Variants in NEGR1 observed in about 807,000 individuals in gnomAD.
NEGR1 encodes neuronal growth regulator 1, also known as IgLON family member 4.
NEGR1 carries 10 observed loss-of-function variants against 40.9 expected under a neutral mutation model. The ratio of observed to expected loss-of-function variants is 0.24; its 90% CI spans 0.15 to 0.42. NEGR1 has a LOEUF of 0.42. Ranked by LOEUF, NEGR1 falls within the 10% of genes least tolerant of loss-of-function variation. The probability of loss-of-function intolerance (pLI) is 1.00; values close to 1 mark genes in which losing one functional copy is unlikely to be tolerated. For synonymous variants in NEGR1, 185 were observed against 166.8 expected (o/e 1.11, Z -0.84); for missense variants, 352 against 438.9 (o/e 0.80, Z 1.77).
chr1:71,434,711 A>G (rs1011954690), intron 6 of NEGR1, among the ~76,000 whole-genome samples: 1 of 152,228 alleles, frequency 6.6e-6, no homozygotes, highest in African/African-American at 2.4e-5. Context: ...CTTGATATAT[A>G]TACTGCAGAT....
intron 2 of NEGR1, among the ~76,000 whole-genome samples, chr1:71,918,833 A>T (rs1661678123): frequency 6.6e-6 from 1 of 152,168 alleles, no homozygotes; most frequent in Non-Finnish European, 1.5e-5. Flanking sequence ...TTGTTTGCTC[A>T]GAACAGATTG....
chr1:72,071,396 C>A (rs1647455659), intron 1 of NEGR1, among the ~76,000 whole-genome samples: 1 of 151,896 alleles, frequency 6.6e-6, no homozygotes, highest in Non-Finnish European at 1.5e-5. Flanking sequence ...AATTTAATGG[C>A]AATATTAGTA....
chr1:71,640,506 C>G (rs1217925475), intron 4 of NEGR1, among the ~76,000 whole-genome samples: 1 of 152,016 alleles, frequency 6.6e-6, no homozygotes, highest in Non-Finnish European at 1.5e-5. Context: ...CCTCTCTTAA[C>G]AAAAGGGATG....
chr1:72,108,531 T>G (rs1423333767), intron 1 of NEGR1, among the ~76,000 whole-genome samples: 1 of 151,610 alleles, frequency 6.6e-6, no homozygotes, highest in Non-Finnish European at 1.5e-5. Flanking sequence ...TCATCATAAT[T>G]CATTTCTATT....
intron 6 of NEGR1, among the ~76,000 whole-genome samples, chr1:71,553,660 G>A (rs1648158277): frequency 6.6e-6 from 1 of 151,420 alleles, no homozygotes; most frequent in African/African-American, 2.4e-5. Context: ...TCCTTTTCTA[G>A]GAATTAAACA....
chr1:71,465,029 TG>T (rs1646736483), intron 6 of NEGR1, among the ~76,000 whole-genome samples: 1 of 152,134 alleles, frequency 6.6e-6, no homozygotes, highest in African/African-American at 2.4e-5. Context: ...GGATTTCTTC[TG>T]GAAGTCTAGG....
chr1:72,239,510 T>C (rs975115693), intron 1 of NEGR1, among the ~76,000 whole-genome samples: 2 of 148,726 alleles, frequency 1.3e-5, no homozygotes, highest in African/African-American at 5.0e-5. Context: ...TTAGTTTTGT[T>C]GCTCACAGAA....
intron 1 of NEGR1, among the ~76,000 whole-genome samples, chr1:72,200,312 T>G (rs1653157009): frequency 6.6e-6 from 1 of 151,964 alleles, no homozygotes; most frequent in African/African-American, 2.4e-5. Context: ...TTATTACATA[T>G]ACACCATGAA....
chr1:71,597,472 C>CTCTCTCTCTCTGTGTGTGTGTGTGTG (rs756076229), intron 5 of NEGR1, among the ~76,000 whole-genome samples: 21 of 31,324 alleles, frequency 6.7e-4, no homozygotes, highest in African/African-American at 1.5e-3. Context: ...CTCTCTCTCT[C>CTCTCTCTCTCTGTGTGTGTGTGTGTG]TGTGTGTGTG....
At chr1:71,897,791 G>A (rs1157730519) in intron 2 of NEGR1, among the ~76,000 whole-genome samples, 1 of 152,034 alleles carries the variant, frequency 6.6e-6, no homozygotes, top group African/African-American at 2.4e-5. Context: ...AACACTTATG[G>A]TACAAGATCT....
rs767118845 is a variant in NEGR1 at position 71,404,352 on chromosome 1, A to G, written c.*3094T>C. 5 of 152,046 alleles carry G rather than the reference A, an allele frequency of 3.3e-5. No homozygotes were observed. Among genetic ancestry groups the G allele is most frequent in the Non-Finnish European group, 7.4e-5 (5 of 67,680 alleles). 9.4% of individuals were successfully genotyped at this position (152,046 alleles called of 1,614,324 possible). ...TCTCAAAAACACCCACATTACTATA[A>G]CTTGGGCAGTACTTTTTATTATATA... On this transcript the variant is annotated 3_prime_UTR_variant, in exon 7 of 7. Coordinates refer to ENST00000357731, the MANE Select transcript of NEGR1 (RefSeq NM_173808.3).
chr1:71,962,771 T>TA (rs1491540725), intron 1 of NEGR1, among the ~76,000 whole-genome samples: 2 of 70,954 alleles, frequency 2.8e-5, no homozygotes, highest in Non-Finnish European at 2.7e-5. Context: ...ATTCTCCAAG[T>TA]TTTTTTTTTT....
chr1:71,562,200 G>T (rs1648484272), intron 6 of NEGR1, among the ~76,000 whole-genome samples: 1 of 151,706 alleles, frequency 6.6e-6, no homozygotes. Context: ...ATAATAATAA[G>T]AGACAGTGAA....
At chr1:72,121,119 T>C (rs564458440) in intron 1 of NEGR1, among the ~76,000 whole-genome samples, 1 of 152,190 alleles carries the variant, frequency 6.6e-6, no homozygotes, top group Admixed American at 6.6e-5. Flanking sequence ...TAAAATACTT[T>C]ACCGCAAATT....
chr1:71,907,797 A>AC (rs943933331), intron 2 of NEGR1, among the ~76,000 whole-genome samples: 2 of 152,036 alleles, frequency 1.3e-5, no homozygotes, highest in South Asian at 2.1e-4. Context: ...GGGTACATAC[A>AC]CCCCCCATGG....
chr1:71,562,378 T>A (rs1345853408), intron 6 of NEGR1, among the ~76,000 whole-genome samples: 1 of 151,574 alleles, frequency 6.6e-6, no homozygotes, highest in African/African-American at 2.4e-5. Context: ...GTATTTTTCC[T>A]GGTTCTAAAA....
chr1:72,028,573 A>G (rs2100434299), intron 1 of NEGR1, among the ~76,000 whole-genome samples: 1 of 152,324 alleles, frequency 6.6e-6, no homozygotes. Context: ...TAGTTGCCTC[A>G]GCACATCACA....
chr1:72,070,526 G>C (rs2100509243), intron 1 of NEGR1, among the ~76,000 whole-genome samples: 1 of 152,060 alleles, frequency 6.6e-6, no homozygotes, highest in East Asian at 1.9e-4. Flanking sequence ...ATAAAAAATA[G>C]AGAGCTATAT....
rs576590380 is a variant in NEGR1 at position 71,963,143 on chromosome 1, C to A, written c.177-27832G>T. Among the ~76,000 whole-genome samples the A allele has an allele frequency of 7.6e-4, 115 of 151,878 alleles. 1 individual carries two copies. The highest frequency in any genetic ancestry group is 1.2e-3 in the Non-Finnish European group (82 of 67,974). On this transcript the variant is annotated intron_variant, in intron 1 of 6. Transcript: ENST00000357731. ...ATAGGGTAATCCTATACATAATATACTAAAAAACAGCTTGCTTGCCTTTAT... is the reference window on the plus strand; with the variant it reads ...ATAGGGTAATCCTATACATAATATAATAAAAAACAGCTTGCTTGCCTTTAT...
Sources: allele counts gnomAD v4.1 joint callset (sites outside exome capture counted in the v4.1 genomes callset), GRCh38; gene constraint gnomAD v4.1.1; transcripts MANE v1.5; gene names NCBI Gene and HGNC (gene_info 2026-07-23, HGNC 2026-07-21).